Variants in SLCO3A1 observed in about 807,000 individuals in gnomAD.
SLCO3A1 encodes solute carrier organic anion transporter family member 3A1, also known as PGE1 transporter.
A neutral mutation model predicts 63.1 loss-of-function variants in SLCO3A1; 27 were observed. That is an observed-to-expected ratio of 0.43 (90% CI 0.32 to 0.59). The LOEUF (loss-of-function observed/expected upper bound fraction) is 0.59, where lower values mean the gene tolerates loss of function less well. Ranked by LOEUF, SLCO3A1 falls within the 20% of genes least tolerant of loss-of-function variation. The pLI is 0.09. For missense variants in SLCO3A1, 773 were observed against 945.8 expected (o/e 0.82, Z 2.40); for synonymous variants, 473 against 409.9 (o/e 1.15, Z -1.86).
rs1287268891 is a variant in SLCO3A1, at chr15:91,859,217, C to T, written c.180+5129C>T. ...TATGGTTGACACATGGATTTGGAACCGTTCTCCCCTGAAGAAAATCTCGGT... is the reference window on the plus strand; with the variant it reads ...TATGGTTGACACATGGATTTGGAACTGTTCTCCCCTGAAGAAAATCTCGGT... On this transcript the variant is annotated intron_variant, in intron 1 of 9. Coordinates refer to ENST00000318445, the MANE Select transcript of SLCO3A1 (RefSeq NM_013272.4). This position sits in a 1 kb window ranked among gnomAD's most constrained non-coding sequence, Gnocchi z 5.1. 6.6e-6 allele frequency among the ~76,000 whole-genome samples: 1 copy of T among 152,172 alleles called. No homozygotes were observed. The highest frequency in any genetic ancestry group is 2.4e-5 in the African/African-American group (1 of 41,444).
intron 1 of SLCO3A1, among the ~76,000 whole-genome samples, chr15:91,858,016 T>G (rs1277586872): frequency 6.6e-6 from 1 of 152,232 alleles, no homozygotes; most frequent in African/African-American, 2.4e-5. Flanking sequence ...AATGAGGCTC[T>G]ATCTCACTGC....
chr15:91,976,521 C>T (rs762122892), intron 2 of SLCO3A1, among the ~76,000 whole-genome samples: 1 of 152,106 alleles, frequency 6.6e-6, no homozygotes, highest in Non-Finnish European at 1.5e-5. Context: ...TCTGTACGTG[C>T]CATTGGGCTT....
intron 1 of SLCO3A1, among the ~76,000 whole-genome samples, chr15:91,896,275 G>A (rs1379149659): frequency 9.2e-5 from 14 of 152,180 alleles, no homozygotes; most frequent in Admixed American, 9.2e-4. Context: ...GTTACATCCT[G>A]GATGAGGACT....
intron 2 of SLCO3A1, among the ~76,000 whole-genome samples, chr15:91,959,539 G>T (rs1900359205): frequency 6.6e-6 from 1 of 151,804 alleles, no homozygotes; most frequent in Non-Finnish European, 1.5e-5. Context: ...AGACAAGCCT[G>T]GCCAGCATGG....
intron 1 of SLCO3A1, among the ~76,000 whole-genome samples, chr15:91,878,323 G>A (rs1897456420): frequency 6.6e-6 from 1 of 152,036 alleles, no homozygotes; most frequent in Non-Finnish European, 1.5e-5. Context: ...CAGGTGACCC[G>A]CCCACCTCGG....
chr15:91,880,019 G>T (rs552229148), intron 1 of SLCO3A1, among the ~76,000 whole-genome samples: 1 of 152,162 alleles, frequency 6.6e-6, no homozygotes, highest in African/African-American at 2.4e-5. Context: ...AGCTGGCTGT[G>T]TTCCTCTTTC....
chr15:92,154,395 A>G (rs899086764), intron 9 of SLCO3A1, among the ~76,000 whole-genome samples: 3 of 152,190 alleles, frequency 2.0e-5, no homozygotes, highest in African/African-American at 4.8e-5. Context: ...GATGATGGAA[A>G]TGTTCTCTGT....
chr15:92,157,435 T>TCCCC (rs1567153134), intron 9 of SLCO3A1, among the ~76,000 whole-genome samples: 18 of 151,282 alleles, frequency 1.2e-4, no homozygotes, highest in African/African-American at 4.1e-4. Context: ...CCCCCCCCCT[T>TCCCC]GTCCTCCCTT....
intron 2 of SLCO3A1, among the ~76,000 whole-genome samples, chr15:91,999,993 A>G (rs576211954): frequency 6.6e-6 from 1 of 152,334 alleles, no homozygotes; most frequent in African/African-American, 2.4e-5. Context: ...TTTAAAAAGT[A>G]TTTGATATGT....
chr15:92,139,576 G>A (rs957386433), intron 7 of SLCO3A1, among the ~76,000 whole-genome samples: 3 of 152,016 alleles, frequency 2.0e-5, no homozygotes, highest in African/African-American at 2.4e-5. Flanking sequence ...TGTACCTCTG[G>A]TAGAATTCGG....
At chr15:91,965,541 A>T (rs1340949123) in intron 2 of SLCO3A1, among the ~76,000 whole-genome samples, 1 of 151,816 alleles carries the variant, frequency 6.6e-6, no homozygotes, top group Admixed American at 6.6e-5. Flanking sequence ...CCACCCCCTA[A>T]CTTCCCTTCC....
rs1401051145 is a variant in SLCO3A1 at position 91,941,531 on chromosome 15, C to T, written c.646+25073C>T. 2.2e-6 allele frequency: 1 copy of T among 455,822 alleles called. No individual in the cohort carries two copies. The highest frequency in any genetic ancestry group is 4.4e-6 in the Non-Finnish European group (1 of 226,736). 28.2% of individuals were successfully genotyped at this position (455,822 alleles called of 1,614,324 possible). ...GGCCAAGTTACCTAGCTTTTCTGAGCCTCACTTTCTTGGCAATTAGATGAA... is the reference window on the plus strand; with the variant it reads ...GGCCAAGTTACCTAGCTTTTCTGAGTCTCACTTTCTTGGCAATTAGATGAA... On this transcript the variant is annotated intron_variant, in intron 2 of 9. Coordinates refer to ENST00000318445, the MANE Select transcript of SLCO3A1 (RefSeq NM_013272.4). The surrounding 1 kb of genome is among the most constrained non-coding windows in gnomAD (Gnocchi z 4.4).
chr15:91,971,565 T>C (rs563793064), intron 2 of SLCO3A1, among the ~76,000 whole-genome samples: 1 of 152,054 alleles, frequency 6.6e-6, no homozygotes, highest in African/African-American at 2.4e-5. Context: ...CTGTCTAGTG[T>C]TCCTAAGCAC....
At chr15:91,914,159 T>C (rs1483302741) in intron 1 of SLCO3A1, among the ~76,000 whole-genome samples, 1 of 152,194 alleles carries the variant, frequency 6.6e-6, no homozygotes, top group East Asian at 1.9e-4. Flanking sequence ...ATGGGGAAAC[T>C]AACGCGCAAA....
chr15:91,986,246 G>C (rs1050789555), intron 2 of SLCO3A1, among the ~76,000 whole-genome samples: 1 of 152,154 alleles, frequency 6.6e-6, no homozygotes, highest in African/African-American at 2.4e-5. Flanking sequence ...GCTGAGCCTG[G>C]GTCAGGGGGT....
chr15:92,163,249 A>T lies in SLCO3A1; in HGVS notation c.*114A>T. 7.1e-7 allele frequency: 1 copy of T among 1,410,220 alleles called. No homozygotes were observed. The highest frequency in any genetic ancestry group is 1.8e-5 in the South Asian group (1 of 54,750). 87.4% of individuals were successfully genotyped at this position (1,410,220 alleles called of 1,614,324 possible). On this transcript the variant is annotated 3_prime_UTR_variant, in exon 10 of 10. Coordinates refer to ENST00000318445, the MANE Select transcript of SLCO3A1 (RefSeq NM_013272.4). Reference sequence around the variant, plus strand: ...ACTCAGTACACACACACAGGCACAGATGCACACACACGCAGACAGACACAC... The same window carrying T: ...ACTCAGTACACACACACAGGCACAGTTGCACACACACGCAGACAGACACAC...
intron 1 of SLCO3A1, among the ~76,000 whole-genome samples, chr15:91,902,706 G>A (rs918446303): frequency 2.0e-5 from 3 of 151,896 alleles, no homozygotes; most frequent in African/African-American, 7.3e-5. Context: ...TTTTTGAGAG[G>A]ATTTGCCAGG....
downstream of SLCO3A1, among the ~76,000 whole-genome samples, chr15:92,169,760 G>A (rs752114755): frequency 4.3e-4 from 65 of 152,128 alleles, no homozygotes; most frequent in Admixed American, 3.7e-3. Flanking sequence ...CAAACACACC[G>A]AAGCTGGTCC....
intron 2 of SLCO3A1, among the ~76,000 whole-genome samples, chr15:92,002,698 C>T (rs1185144789): frequency 6.6e-6 from 1 of 152,094 alleles, no homozygotes; most frequent in Non-Finnish European, 1.5e-5. Flanking sequence ...TCAGGAAGGG[C>T]CTGCGATGGG....
Sources: gnomAD v4.1 joint callset for allele counts (sites outside exome capture counted in the v4.1 genomes callset) on GRCh38, gnomAD v4.1.1 for gene constraint, Gnocchi (gnomAD v3.1) non-coding constraint, MANE v1.5 for transcripts, NCBI Gene and HGNC (gene_info 2026-07-23, HGNC 2026-07-21) for gene names.